RASSF3: variants seen among roughly 807,000 people sequenced by gnomAD.
RASSF3 encodes the protein ras association domain-containing protein 3.
In RASSF3, 19 loss-of-function variants were observed where a neutral mutation model predicts 19.9. The ratio of observed to expected loss-of-function variants is 0.96; its 90% confidence interval spans 0.67 to 1.40. The LOEUF (loss-of-function observed/expected upper bound fraction) is 1.40. RASSF3 is among the 40% of genes most tolerant of loss of function. The pLI is 0.00. For missense variants in RASSF3, 306 were observed against 289.8 expected, an observed-to-expected ratio of 1.06 and a Z score of -0.41; for synonymous variants, 110 against 104.2, an observed-to-expected ratio of 1.06 and a Z score of -0.34.
chr12:64,644,291 A>G (rs1871650907), intron 1 of RASSF3, among the ~76,000 whole-genome samples: 1 of 152,074 alleles, frequency 6.6e-6, no homozygotes, highest in Non-Finnish European at 1.5e-5. Context: ...GAGCTCAGGA[A>G]GAGTGATGGC....
chr12:64,606,845 G>A (rs1870202328), upstream of RASSF3, among the ~76,000 whole-genome samples: 1 of 152,040 alleles, frequency 6.6e-6, no homozygotes, highest in South Asian at 2.1e-4. Context: ...GAACTTGGTT[G>A]CATACATTTA....
At position 64,540,848 on chromosome 12, in the gene RASSF3, G is replaced by C. The variant is rs1375685535; in HGVS notation, c.68-733G>C. On this transcript the variant is annotated intron_variant, in intron 1 of 1. Transcript: ENST00000636333. ...GTGCAGTGGTTGAACAAAGCTCACT[G>C]CAGCCTCGACCTTCTGGGCTCAAGC... Among the ~76,000 whole-genome samples, 4 of 151,964 alleles carry C rather than the reference G, an allele frequency of 2.6e-5. No homozygotes were observed. The East Asian group carries it at 7.8e-4, about 29-fold the overall frequency.
chr12:64,571,988 C>T (rs1255475552), intron 2 of RASSF3, among the ~76,000 whole-genome samples: 1 of 152,158 alleles, frequency 6.6e-6, no homozygotes, highest in African/African-American at 2.4e-5. Context: ...TCCTAGAATT[C>T]ATAGGTTATG....
At chr12:64,649,130 C>T (rs1317271676) in intron 1 of RASSF3, among the ~76,000 whole-genome samples, 1 of 151,636 alleles carries the variant, frequency 6.6e-6, no homozygotes. Context: ...TGAAAACCCT[C>T]TGGCTTGGTC....
intron 2 of RASSF3, among the ~76,000 whole-genome samples, chr12:64,548,943 C>G (rs1339478910): frequency 6.6e-6 from 1 of 152,090 alleles, no homozygotes; most frequent in African/African-American, 2.4e-5. Context: ...TCTGGTCTTT[C>G]TCAGAGGATG....
At chr12:64,575,508 G>A (rs996074791) in intron 2 of RASSF3, among the ~76,000 whole-genome samples, 6 of 152,140 alleles carry the variant, frequency 3.9e-5, no homozygotes, top group African/African-American at 7.2e-5. Context: ...CAGTATAAGC[G>A]TGCCTGAGGA....
intron 1 of RASSF3, among the ~76,000 whole-genome samples, chr12:64,626,285 A>G (rs1286118433): frequency 3.9e-5 from 6 of 152,078 alleles, no homozygotes; most frequent in Non-Finnish European, 1.5e-5. Flanking sequence ...CTGTAATCCC[A>G]ACACTTTGGG....
chr12:64,688,181 A>T, intron 2 of RASSF3, 35 bp from the exon 3 acceptor site: 3 of 1,480,360 alleles, frequency 2.0e-6, no homozygotes, highest in Non-Finnish European at 2.8e-6. Flanking sequence ...GCCACCATCC[A>T]CCCAGCTAAG....
intron 1 of RASSF3, among the ~76,000 whole-genome samples, chr12:64,616,310 AAG>A (rs1870548910): frequency 6.6e-6 from 1 of 152,232 alleles, no homozygotes; most frequent in South Asian, 2.1e-4. Flanking sequence ...TTTGAAAAGA[AAG>A]GCTAAAAATA....
chr12:64,654,657 T>TCG (rs1872090731), intron 1 of RASSF3: 1 of 18,004 alleles, frequency 5.6e-5, no homozygotes, highest in Non-Finnish European at 9.8e-5. Flanking sequence ...GGGGGGGGGG[T>TCG]GGGGGGAAGC....
At chr12:64,680,859 G>A (rs1288456079) in intron 1 of RASSF3, among the ~76,000 whole-genome samples, 6 of 152,072 alleles carry the variant, frequency 3.9e-5, no homozygotes, top group African/African-American at 7.2e-5. Flanking sequence ...TGATCCGCCC[G>A]CCTCGGCCTC....
chr12:64,659,133 A>C (rs2076925072), intron 1 of RASSF3, among the ~76,000 whole-genome samples: 1 of 152,184 alleles, frequency 6.6e-6, no homozygotes, highest in Non-Finnish European at 1.5e-5. Context: ...CTCTAGTTTC[A>C]AACATACACA....
intron 2 of RASSF3, among the ~76,000 whole-genome samples, chr12:64,577,039 C>A (rs1399286719): frequency 6.6e-6 from 1 of 152,160 alleles, no homozygotes; most frequent in Non-Finnish European, 1.5e-5. Flanking sequence ...AGCAAGTTTT[C>A]TCAAAATGAT....
intron 2 of RASSF3, among the ~76,000 whole-genome samples, chr12:64,549,271 G>C (rs989973052): frequency 2.6e-5 from 4 of 151,824 alleles, no homozygotes; most frequent in African/African-American, 9.7e-5. Context: ...CAACACTTTG[G>C]GGGGATCACT....
At chr12:64,642,466 A>G (rs956606146) in intron 1 of RASSF3, among the ~76,000 whole-genome samples, 1 of 146,326 alleles carries the variant, frequency 6.8e-6, no homozygotes, top group African/African-American at 2.5e-5. Context: ...AGGCTGAGGC[A>G]GGAGAATCGC....
At chr12:64,547,204 G>A (rs1003837156) in intron 2 of RASSF3, among the ~76,000 whole-genome samples, 1 of 148,026 alleles carries the variant, frequency 6.8e-6, no homozygotes, top group Admixed American at 6.7e-5. Context: ...CCCAGGAGGT[G>A]GAAGTTGCAG....
At chr12:64,535,488 CT>C (rs1232681646) in intron 1 of RASSF3, among the ~76,000 whole-genome samples, 1 of 152,014 alleles carries the variant, frequency 6.6e-6, no homozygotes, top group Non-Finnish European at 1.5e-5. Context: ...CCTCAGCCTC[CT>C]GAGTAGCTGA....
In RASSF3 at chr12:64,567,958, C is replaced by T. The variant is rs139338879; in HGVS notation, c.294+26253C>T. Among the ~76,000 whole-genome samples the T allele has an allele frequency of 4.5e-3, 688 of 152,330 alleles. 3 individuals are homozygous for T. Among genetic ancestry groups the T allele is most frequent in the African/African-American group, 0.012 (509 of 41,574 alleles). On this transcript the variant is annotated intron_variant, in intron 2 of 5. Coordinates refer to the RASSF3 transcript ENST00000637125. The stretch of plus-strand genomic sequence containing the variant: ...AGAAGAGAGTGTTTACATAGACCCC[C>T]ACATCTTTCTCCTCACATCCTGAGG...
At chr12:64,676,567 G>C (rs1872912083) in intron 1 of RASSF3, among the ~76,000 whole-genome samples, 1 of 148,304 alleles carries the variant, frequency 6.7e-6, no homozygotes, top group Non-Finnish European at 1.5e-5. Flanking sequence ...TGCCTCCTGG[G>C]TTCAAGTGAT....
Sources: gnomAD v4.1 joint callset for allele counts (sites outside exome capture counted in the v4.1 genomes callset) on GRCh38, gnomAD v4.1.1 for gene constraint, MANE v1.5 for transcripts, NCBI Gene and HGNC (gene_info 2026-07-23, HGNC 2026-07-21) for gene names.